TRMT9B: variants seen among roughly 807,000 people sequenced by gnomAD.
TRMT9B encodes the protein probable tRNA methyltransferase 9B.
A neutral mutation model predicts 11.5 loss-of-function variants in TRMT9B; 16 were observed. The observed-to-expected ratio is 1.39, with a 90% CI of 0.94 to 2.11. The LOEUF (loss-of-function observed/expected upper bound fraction) is 2.11. TRMT9B is among the 30% of genes most tolerant of loss of function. The probability of loss-of-function intolerance (pLI) is 0.00; values close to 1 mark genes in which losing one functional copy is unlikely to be tolerated. For missense variants in TRMT9B, 941 were observed against 553.8 expected (o/e 1.70, Z -7.02); for synonymous variants, 274 against 192.4 (o/e 1.42, Z -3.51).
intron 1 of TRMT9B, among the ~76,000 whole-genome samples, chr8:12,974,121 A>T (rs1804055924): frequency 6.6e-6 from 1 of 152,152 alleles, no homozygotes; most frequent in Admixed American, 6.5e-5. Flanking sequence ...CAGTGAGCCA[A>T]GATCGCACCG....
At chr8:13,003,230 A>C (rs148906738) in intron 2 of TRMT9B, among the ~76,000 whole-genome samples, 55 of 152,340 alleles carry the variant, frequency 3.6e-4, no homozygotes, top group African/African-American at 1.2e-3. Context: ...CAGTAGGGCC[A>C]AATGAGTTCT....
At chr8:13,011,385 T>C in intron 3 of TRMT9B, 10 of 985,356 alleles carry the variant, frequency 1.0e-5, no homozygotes, top group Non-Finnish European at 1.2e-5. Context: ...AAGTGCCTAG[T>C]AAGGAGGGGT....
chr8:13,000,232 G>A (rs1200343076), intron 2 of TRMT9B, among the ~76,000 whole-genome samples: 1 of 152,192 alleles, frequency 6.6e-6, no homozygotes, highest in African/African-American at 2.4e-5. Flanking sequence ...GCCATAGCAA[G>A]TCACTTAGGG....
intron 1 of TRMT9B, among the ~76,000 whole-genome samples, chr8:12,967,279 G>C (rs2203836): frequency 0.8 from 121,059 of 152,146 alleles, 48,244 homozygotes; most frequent in Middle Eastern, 0.89. Context: ...AAAAAGTCAT[G>C]AAAGGTTTTA....
At chr8:12,989,502 T>A (rs1806953123) in intron 1 of TRMT9B, among the ~76,000 whole-genome samples, 1 of 152,150 alleles carries the variant, frequency 6.6e-6, no homozygotes, top group African/African-American at 2.4e-5. Context: ...CACATATGCC[T>A]CCTACTTCTA....
intron 1 of TRMT9B, among the ~76,000 whole-genome samples, chr8:12,952,979 C>T (rs1055749112): frequency 3.9e-5 from 6 of 152,082 alleles, no homozygotes; most frequent in African/African-American, 1.4e-4. Context: ...ACCTCGTGAT[C>T]CGCCTGCCTC....
chr8:12,990,701 A>G (rs956288976), intron 1 of TRMT9B, 133 bp from the exon 2 acceptor site: 2 of 316,552 alleles, frequency 6.3e-6, no homozygotes, highest in African/African-American at 4.3e-5. Flanking sequence ...CACACTCCAC[A>G]TATTAACAAT....
intron 3 of TRMT9B, chr8:13,010,871 G>A: frequency 1.0e-6 from 1 of 976,392 alleles, no homozygotes; most frequent in Non-Finnish European, 1.2e-6. Flanking sequence ...TTCAAACAGA[G>A]GGTACTTTTT....
In TRMT9B at chr8:12,970,085, C is replaced by T. The variant is rs1803380220; in HGVS notation, c.-199-20749C>T. 2.0e-5 allele frequency: 3 copies of T among 152,198 alleles called. 1 individual carries two copies. The highest frequency in any genetic ancestry group is 4.4e-5 in the Non-Finnish European group (3 of 68,038). 9.4% of individuals were successfully genotyped at this position (152,198 alleles called of 1,614,324 possible). Reference sequence around the variant, plus strand: ...CTTTTGGAGATCCTTGGTGACCTCACTGTTGCTGAATAAACTTTAGCCCCT... The same window carrying T: ...CTTTTGGAGATCCTTGGTGACCTCATTGTTGCTGAATAAACTTTAGCCCCT... On this transcript the variant is annotated intron_variant, in intron 1 of 4. Transcript: ENST00000524591.
At chr8:13,001,827 G>A (rs891132394) in intron 2 of TRMT9B, among the ~76,000 whole-genome samples, 6 of 152,120 alleles carry the variant, frequency 3.9e-5, no homozygotes, top group African/African-American at 1.4e-4. Flanking sequence ...TATTTTATGG[G>A]TCTGGAATTT....
chr8:13,026,696 C>G lies in TRMT9B; in HGVS notation c.*4652C>G, dbSNP rs1814729357. On this transcript the variant is annotated 3_prime_UTR_variant, in exon 5 of 5. Coordinates refer to ENST00000524591, the MANE Select transcript of TRMT9B (RefSeq NM_020844.3). ...AAAGAAATTAAATTGCTTAAGGTTA[C>G]ACACATAGTAGGTATCACACATTTA... 1 of 167,120 alleles carries G rather than the reference C, an allele frequency of 6.0e-6. No individual in the cohort carries two copies. Among genetic ancestry groups the G allele is most frequent in the Non-Finnish European group, 1.5e-5 (1 of 68,126 alleles). The allele number at this position is 167,120 out of a possible 1,614,324, so 10.4% of individuals were successfully genotyped here. A position where few individuals can be genotyped will look rare whatever the true frequency, so the allele number is the denominator to read the frequency against.
At chr8:12,964,943 C>T (rs1802619304) in intron 1 of TRMT9B, among the ~76,000 whole-genome samples, 1 of 152,126 alleles carries the variant, frequency 6.6e-6, no homozygotes, top group African/African-American at 2.4e-5. Flanking sequence ...AAAGCAAACA[C>T]AGTCATAAAA....
chr8:12,978,851 T>C (rs938379821), intron 1 of TRMT9B, among the ~76,000 whole-genome samples: 4 of 152,224 alleles, frequency 2.6e-5, no homozygotes, highest in Non-Finnish European at 5.9e-5. Flanking sequence ...TCACCCATGT[T>C]AATAAACTCA....
At chr8:13,006,687 A>G (rs1810539657) in intron 3 of TRMT9B, 1 of 1,326,158 alleles carries the variant, frequency 7.5e-7, no homozygotes, top group African/African-American at 1.5e-5. Flanking sequence ...TATTCTTTTG[A>G]GATGGAGTTT....
chr8:12,976,319 G>A (rs1343296810), intron 1 of TRMT9B, among the ~76,000 whole-genome samples: 1 of 152,060 alleles, frequency 6.6e-6, no homozygotes. Context: ...GGGATTTTTA[G>A]GTGAGGAAGA....
chr8:12,958,465 C>G (rs2128860805), intron 1 of TRMT9B: 1 of 152,408 alleles, frequency 6.6e-6, no homozygotes, highest in African/African-American at 2.4e-5. Context: ...AGATTGGTGC[C>G]CAGCTATGCC....
intron 1 of TRMT9B, among the ~76,000 whole-genome samples, chr8:12,975,897 C>G (rs1424352091): frequency 6.6e-6 from 1 of 151,986 alleles, no homozygotes; most frequent in East Asian, 1.9e-4. Flanking sequence ...GGTCATTGTC[C>G]ATAAAGAGTA....
intron 1 of TRMT9B, among the ~76,000 whole-genome samples, chr8:12,956,634 G>A (rs2977084): frequency 0.86 from 131,395 of 152,226 alleles, 56,782 homozygotes; most frequent in Middle Eastern, 0.91. Flanking sequence ...GTAATGTACT[G>A]AGAGAGAAAT....
chr8:13,012,867 C>G lies in TRMT9B; in HGVS notation c.328+10C>G. 6.2e-7 allele frequency: 1 copy of G among 1,612,246 alleles called. No homozygotes were observed. The highest frequency in any genetic ancestry group is 1.1e-5 in the South Asian group (1 of 90,872). Reference sequence around the variant, plus strand: ...ATCATCTCCATAGGAGGTAAGGCAGCCAGATCACACATTCACCCTTTGCCA... The same window carrying G: ...ATCATCTCCATAGGAGGTAAGGCAGGCAGATCACACATTCACCCTTTGCCA... On this transcript the variant is annotated intron_variant, in intron 4 of 4. Transcript: ENST00000524591.
Sources: allele counts gnomAD v4.1 joint callset (sites outside exome capture counted in the v4.1 genomes callset), GRCh38; gene constraint gnomAD v4.1.1; transcripts MANE v1.5; gene names NCBI Gene and HGNC (gene_info 2026-07-23, HGNC 2026-07-21).